TMEM91: variants seen among roughly 807,000 people sequenced by gnomAD.
The protein encoded by TMEM91 is transmembrane protein 91.
A neutral mutation model predicts 13.3 loss-of-function variants in TMEM91; 6 were observed. The observed-to-expected ratio is 0.45, with a 90% CI of 0.25 to 0.89. The LOEUF is 0.89. Among genes scored for constraint, TMEM91 ranks in the 40% least tolerant of loss-of-function variants. The pLI, the probability that TMEM91 is intolerant of heterozygous loss-of-function variation, is 0.19. For synonymous variants in TMEM91, 87 were observed against 101.7 expected (o/e 0.86, Z 0.87); for missense variants, 193 against 228.7 (o/e 0.84, Z 1.01).
intron 1 of TMEM91, among the ~76,000 whole-genome samples, chr19:41,370,972 G>C (rs576539430): frequency 1.3e-5 from 2 of 151,904 alleles, no homozygotes; most frequent in Admixed American, 6.6e-5. Context: ...TAAAGTGCTG[G>C]GATTACAGGC....
At chr19:41,377,624 T>C (rs559207255) in intron 1 of TMEM91, among the ~76,000 whole-genome samples, 4 of 151,682 alleles carry the variant, frequency 2.6e-5, no homozygotes, top group African/African-American at 9.7e-5. Flanking sequence ...TGGGGGTGTT[T>C]GTGGGGCAGG....
intron 1 of TMEM91, among the ~76,000 whole-genome samples, chr19:41,370,379 T>C (rs1338098573): frequency 7.1e-6 from 1 of 141,370 alleles, no homozygotes; most frequent in Non-Finnish European, 1.5e-5. Flanking sequence ...GCCCCACCTA[T>C]TTATTTATTT....
intron 1 of TMEM91, among the ~76,000 whole-genome samples, chr19:41,369,416 A>G (rs1035554854): frequency 5.3e-5 from 8 of 149,894 alleles, no homozygotes; most frequent in African/African-American, 2.0e-4. Flanking sequence ...CTGAAGCCGG[A>G]GGATGCCTTG....
At chr19:41,375,827 TAAAA>T (rs111892267), upstream of TMEM91, among the ~76,000 whole-genome samples, 1 of 134,020 alleles carries the variant, frequency 7.5e-6, no homozygotes, top group Non-Finnish European at 1.6e-5. Flanking sequence ...AAAATAATAA[TAAAA>T]AAAAAATCTG....
chr19:41,368,432 GGT>G (rs949399723), intron 1 of TMEM91, among the ~76,000 whole-genome samples: 6,769 of 148,282 alleles, frequency 0.046, 420 homozygotes, highest in African/African-American at 0.14. Context: ...TTTTGGGGGG[GGT>G]GGTTATTGGG....
chr19:41,369,064 GTGAT>G (rs1462897545), intron 1 of TMEM91, among the ~76,000 whole-genome samples: 1 of 152,136 alleles, frequency 6.6e-6, no homozygotes, highest in Non-Finnish European at 1.5e-5. Flanking sequence ...ACAGTGAGCT[GTGAT>G]TGTGCCACTG....
At chr19:41,377,809 G>A (rs1289719072) in intron 1 of TMEM91, among the ~76,000 whole-genome samples, 3 of 151,778 alleles carry the variant, frequency 2.0e-5, no homozygotes, top group Non-Finnish European at 2.9e-5. Context: ...TCAGGAGTTC[G>A]GGACCAGCCT....
intron 2 of TMEM91, among the ~76,000 whole-genome samples, chr19:41,379,563 G>C (rs1017833451): frequency 6.7e-6 from 1 of 148,978 alleles, no homozygotes; most frequent in Non-Finnish European, 1.5e-5. Flanking sequence ...GAGAGAGAGA[G>C]AGAGAAAGAG....
intron 2 of TMEM91, among the ~76,000 whole-genome samples, chr19:41,380,895 C>T (rs1241405709): frequency 1.9e-5 from 2 of 106,718 alleles, no homozygotes; most frequent in Non-Finnish European, 3.6e-5. Flanking sequence ...GCCTGGGCAA[C>T]AGAGTGAAAC....
chr19:41,377,494 G>A (rs1269456461), intron 1 of TMEM91, among the ~76,000 whole-genome samples: 1 of 150,798 alleles, frequency 6.6e-6, no homozygotes, highest in African/African-American at 2.4e-5. Flanking sequence ...AGAGGATGGG[G>A]AATGTAGACT....
Position 41,383,663 on chromosome 19 carries a change from G to A in TMEM91, c.361-52G>A, listed in dbSNP as rs746407613. On this transcript the variant is annotated intron_variant, in intron 3 of 3. Transcript: ENST00000392002. ...TTGGGTGGGGGAGGGACCAGGGGAA[G>A]GGTCTGGGACTGAGGGGATGCCTGG... 5 of 1,613,946 alleles carry A rather than the reference G, an allele frequency of 3.1e-6. No individual in the cohort carries two copies. The South Asian group carries it at 4.4e-5, about 14-fold the overall frequency.
chr19:41,372,458 A>G (rs1461676145), upstream of TMEM91, among the ~76,000 whole-genome samples: 1 of 151,914 alleles, frequency 6.6e-6, no homozygotes, highest in African/African-American at 2.4e-5. Flanking sequence ...CAGGCATGGG[A>G]TTACAGTGCT....
At chr19:41,383,167 C>T in intron 3 of TMEM91, 1 of 540,506 alleles carries the variant, frequency 1.9e-6, no homozygotes, top group Non-Finnish European at 3.2e-6. Flanking sequence ...GATTCTCCTG[C>T]CCCAGCCTCC....
intron 1 of TMEM91, among the ~76,000 whole-genome samples, chr19:41,364,550 A>C (rs979398009): frequency 4.0e-5 from 6 of 151,832 alleles, no homozygotes; most frequent in Admixed American, 3.3e-4. Context: ...AAAACAAAGC[A>C]AAAAAATCAC....
chr19:41,370,928 C>G (rs2038606196), intron 1 of TMEM91, among the ~76,000 whole-genome samples: 1 of 151,592 alleles, frequency 6.6e-6, no homozygotes, highest in Non-Finnish European at 1.5e-5. Context: ...TACTCGAACT[C>G]CTGACCTCAG....
upstream of TMEM91, chr19:41,373,959 T>C (rs1169709100): frequency 6.6e-6 from 1 of 152,200 alleles, no homozygotes; most frequent in East Asian, 2.0e-4. Flanking sequence ...ATTACAGGCG[T>C]GGGCCACCGC....
At position 41,378,498 on chromosome 19, in the gene TMEM91, A is replaced by G. The variant is rs767683820; in HGVS notation, c.189A>G (p.Glu63=). Reference sequence around the variant, plus strand: ...CCTCCGTGAGCGCTGGCCTGGGGGAACCAAGGCCCCCTGATGTTGAGGTAG... The same window carrying G: ...CCTCCGTGAGCGCTGGCCTGGGGGAGCCAAGGCCCCCTGATGTTGAGGTAG... The part of the protein sequence containing the change: ...PLPSVSAGLG[E]PRPPDVEDMS... The change falls in exon 2 of 4, where the codon GAA becomes GAG. Residue 63 remains glutamate (E), a synonymous_variant. Coordinates refer to ENST00000392002, the MANE Select transcript of TMEM91 (RefSeq NM_001098821.2). 3 of 1,613,990 alleles carry G rather than the reference A, an allele frequency of 1.9e-6. No homozygotes were observed. Among genetic ancestry groups the G allele is most frequent in the East Asian group, 2.2e-5 (1 of 44,868 alleles).
intron 1 of TMEM91, among the ~76,000 whole-genome samples, chr19:41,368,434 T>G (rs8103493): frequency 0.66 from 89,207 of 135,462 alleles, 28,823 homozygotes; most frequent in African/African-American, 0.69. Flanking sequence ...TTGGGGGGGG[T>G]GGTTATTGGG....
At chr19:41,383,250 C>T (rs1396649435) in intron 3 of TMEM91, 3 of 397,660 alleles carry the variant, frequency 7.5e-6, no homozygotes, top group Non-Finnish European at 4.4e-6. Context: ...GACGGGGTTT[C>T]ACCACGTTGG....
Sources: allele counts gnomAD v4.1 joint callset (sites outside exome capture counted in the v4.1 genomes callset), GRCh38; gene constraint gnomAD v4.1.1; transcripts MANE v1.5; gene names NCBI Gene and HGNC (gene_info 2026-07-23, HGNC 2026-07-21).